Variants in ADGRL3 observed in about 807,000 individuals in gnomAD.
ADGRL3 encodes calcium-independent alpha-latrotoxin receptor 3.
ADGRL3 carries 62 observed loss-of-function variants against 153.5 expected under a neutral mutation model. The observed-to-expected ratio is 0.40, with a 90% CI of 0.33 to 0.50. The LOEUF (loss-of-function observed/expected upper bound fraction) is 0.50, where lower values mean the gene tolerates loss of function less well. Ranked by LOEUF, ADGRL3 falls within the 20% of genes least tolerant of loss-of-function variation. The pLI is 0.47. For missense variants in ADGRL3, 1,641 were observed against 1,859.4 expected (o/e 0.88, Z 2.16); for synonymous variants, 710 against 672.5 (o/e 1.06, Z -0.86).
intron 19 of ADGRL3, among the ~76,000 whole-genome samples, chr4:61,985,041 A>T: frequency 6.6e-6 from 1 of 152,126 alleles, no homozygotes; most frequent in East Asian, 1.9e-4. Context: ...GAAAGGGAAA[A>T]GTCTTGGGAG....
intron 2 of ADGRL3, among the ~76,000 whole-genome samples, chr4:61,423,023 C>CCTGTAGTATGAGAG (rs1412148664): frequency 6.6e-6 from 1 of 152,006 alleles, no homozygotes; most frequent in Non-Finnish European, 1.5e-5. Flanking sequence ...AGCTGAGAGA[C>CCTGTAGTATGAGAG]CTAAGTGAGC....
At chr4:61,992,210 C>G (rs1405765541) in intron 19 of ADGRL3, among the ~76,000 whole-genome samples, 2 of 152,070 alleles carry the variant, frequency 1.3e-5, no homozygotes, top group Admixed American at 6.6e-5. Context: ...GTCTGTCTTA[C>G]CATTCACAAG....
At chr4:61,718,702 G>A (rs2096176182) in intron 6 of ADGRL3, among the ~76,000 whole-genome samples, 2 of 152,092 alleles carry the variant, frequency 1.3e-5, no homozygotes, top group Admixed American at 1.3e-4. Flanking sequence ...GTTACACCTA[G>A]TAATGTTATA....
rs567644914 is a variant in ADGRL3, at chr4:62,027,397, G to T, written c.3396-1458G>T. On this transcript the variant is annotated intron_variant, in intron 21 of 26. Transcript: ENST00000683033. ...TCCATTATGGCAGCTACTATGTGAA[G>T]CTTTTGAGTACTTGTGTTGTGACTG... is the stretch of plus-strand genomic sequence containing the variant. Among the ~76,000 whole-genome samples, 55 of 152,138 alleles carry T rather than the reference G, an allele frequency of 3.6e-4. No individual in the cohort carries two copies. In the South Asian group the frequency reaches 0.011, roughly 30 times the overall value.
chr4:61,520,397 C>G (rs965531850), intron 4 of ADGRL3, among the ~76,000 whole-genome samples: 1 of 152,058 alleles, frequency 6.6e-6, no homozygotes, highest in African/African-American at 2.4e-5. Flanking sequence ...ACAGTGGTGC[C>G]AAACCAGTAC....
intron 2 of ADGRL3, among the ~76,000 whole-genome samples, chr4:61,470,200 C>T (rs2097930109): frequency 1.3e-5 from 2 of 151,928 alleles, no homozygotes; most frequent in Non-Finnish European, 2.9e-5. Flanking sequence ...AATTCCAAAA[C>T]CTTTACATGT....
Position 61,934,816 on chromosome 4 carries a change from G to A in ADGRL3, c.2113-24G>A, listed in dbSNP as rs749306335. On this transcript the variant is annotated intron_variant, in intron 13 of 26. Coordinates refer to ENST00000683033, the MANE Select transcript of ADGRL3 (RefSeq NM_001387552.1). ...CTATGTGGGTTCACTAGAGACCTCT[G>A]TCATTCTTTTCATCCTCTTGTAGGC... 2.5e-6 allele frequency: 4 copies of A among 1,602,302 alleles called. No individual in the cohort carries two copies. The South Asian group carries it at 4.4e-5, about 18-fold the overall frequency.
intron 13 of ADGRL3, among the ~76,000 whole-genome samples, chr4:61,934,362 A>T (rs1026905704): frequency 6.6e-6 from 1 of 152,228 alleles, no homozygotes; most frequent in Non-Finnish European, 1.5e-5. Context: ...TATGTGAGTC[A>T]TCAACCTATA....
chr4:61,918,124 T>A (rs976336235), intron 13 of ADGRL3, among the ~76,000 whole-genome samples: 2 of 152,144 alleles, frequency 1.3e-5, no homozygotes, highest in African/African-American at 4.8e-5. Flanking sequence ...GATACTGAGG[T>A]AATTATTCGG....
chr4:61,754,752 A>G (rs2096800804), intron 8 of ADGRL3, among the ~76,000 whole-genome samples: 2 of 152,184 alleles, frequency 1.3e-5, no homozygotes, highest in Middle Eastern at 3.4e-3. Flanking sequence ...TATATCTCCT[A>G]ATGCTATCCT....
At chr4:61,996,057 T>C (rs530596390) in intron 19 of ADGRL3, among the ~76,000 whole-genome samples, 7 of 152,130 alleles carry the variant, frequency 4.6e-5, no homozygotes, top group African/African-American at 1.4e-4. Flanking sequence ...CCTTAGCAAA[T>C]AGGCCCAGTG....
intron 9 of ADGRL3, among the ~76,000 whole-genome samples, chr4:61,887,015 TTTTA>T (rs1398651094): frequency 2.6e-5 from 4 of 151,718 alleles, no homozygotes; most frequent in South Asian, 2.1e-4. Flanking sequence ...CTCTGGCTAA[TTTTA>T]TTTATTTATT....
chr4:61,967,728 A>C (rs1222366751), intron 17 of ADGRL3, among the ~76,000 whole-genome samples: 3 of 152,222 alleles, frequency 2.0e-5, no homozygotes, highest in African/African-American at 7.2e-5. Context: ...AACACTTACA[A>C]GTACATTGGA....
intron 1 of ADGRL3, among the ~76,000 whole-genome samples, chr4:61,358,971 A>G (rs758791630): frequency 7.2e-5 from 11 of 152,178 alleles, no homozygotes; most frequent in Non-Finnish European, 2.9e-5. Context: ...GTCCAAAGCT[A>G]AACTTCTACT....
chr4:61,374,301 T>C lies in ADGRL3; in HGVS notation c.-239-8823T>C, dbSNP rs181983517. Among the ~76,000 whole-genome samples, 12 of 152,356 alleles carry C rather than the reference T, an allele frequency of 7.9e-5. No homozygotes were observed. The East Asian group carries it at 2.3e-3, about 29-fold the overall frequency. On this transcript the variant is annotated intron_variant, in intron 1 of 26. Transcript: ENST00000683033. Reference sequence around the variant, plus strand: ...CTTCTGGATGTCAGTTTGTCAATACTCTGCTTTTGCTTCTTCTGATTTCTC... The same window carrying C: ...CTTCTGGATGTCAGTTTGTCAATACCCTGCTTTTGCTTCTTCTGATTTCTC...
intron 2 of ADGRL3, chr4:61,385,674 CAAACATATCT>C (rs1578569517): frequency 6.6e-6 from 1 of 152,114 alleles, no homozygotes; most frequent in African/African-American, 2.4e-5. Flanking sequence ...ATGTCCACAG[CAAACATATCT>C]AAGTTTGTTT....
rs556431805 is a variant in ADGRL3 at position 61,748,621 on chromosome 4, A to G, written c.1399+15067A>G. 2.4e-3 allele frequency among the ~76,000 whole-genome samples: 359 copies of G among 152,292 alleles called. 3 individuals are homozygous for G. The highest frequency in any genetic ancestry group is 7.9e-3 in the African/African-American group (330 of 41,532). ...ACAAGCAACGGGTAAAGGATTCCCT[A>G]TTTAATAAATGGTGTTGGGAAAACT... On this transcript the variant is annotated intron_variant, in intron 8 of 26. Coordinates refer to ENST00000683033, the MANE Select transcript of ADGRL3 (RefSeq NM_001387552.1).
chr4:61,716,218 G>C (rs2096111609), intron 6 of ADGRL3, among the ~76,000 whole-genome samples: 1 of 151,982 alleles, frequency 6.6e-6, no homozygotes, highest in South Asian at 2.1e-4. Context: ...TGAAAGACTG[G>C]TGTGTGGCTC....
intron 6 of ADGRL3, among the ~76,000 whole-genome samples, chr4:61,727,853 TA>T (rs2096375872): frequency 6.6e-6 from 1 of 152,130 alleles, no homozygotes; most frequent in African/African-American, 2.4e-5. Context: ...ACCACATGCT[TA>T]AAATATCAAG....
Sources: allele counts gnomAD v4.1 joint callset (sites outside exome capture counted in the v4.1 genomes callset), GRCh38; gene constraint gnomAD v4.1.1; transcripts MANE v1.5; gene names NCBI Gene and HGNC (gene_info 2026-07-23, HGNC 2026-07-21).